The following CNTN4 variants were observed in gnomAD, a reference collection of about 807,000 sequenced individuals.
CNTN4 encodes the protein contactin 4, also known as contactin-4.
In CNTN4, 77 loss-of-function variants were observed where a neutral mutation model predicts 122.5. The observed-to-expected ratio is 0.63, with a 90% CI of 0.52 to 0.76. The LOEUF is 0.76. Among genes scored for constraint, CNTN4 ranks in the 30% least tolerant of loss-of-function variants. The pLI is 0.00. For missense variants in CNTN4, 1,256 were observed against 1,259.1 expected (o/e 1.00, Z 0.04); for synonymous variants, 512 against 447.0 (o/e 1.15, Z -1.83).
At chr3:2,499,009 C>T (rs368794493) in intron 3 of CNTN4, among the ~76,000 whole-genome samples, 2 of 152,060 alleles carry the variant, frequency 1.3e-5, no homozygotes, top group African/African-American at 4.8e-5. Flanking sequence ...AGGCTGATCT[C>T]GAACTCCTGA....
chr3:3,049,415 G>T (rs543855759), intron 23 of CNTN4, among the ~76,000 whole-genome samples: 1 of 152,286 alleles, frequency 6.6e-6, no homozygotes, highest in Admixed American at 6.5e-5. Flanking sequence ...ATGAAGATAG[G>T]TACAGTTATT....
At chr3:2,291,638 A>C (rs2042138993) in intron 2 of CNTN4, among the ~76,000 whole-genome samples, 1 of 147,076 alleles carries the variant, frequency 6.8e-6, no homozygotes, top group Non-Finnish European at 1.5e-5. Flanking sequence ...AGTCCTTATG[A>C]TAAAGTATTT....
chr3:2,734,201 G>C (rs2088910400), intron 4 of CNTN4, among the ~76,000 whole-genome samples: 1 of 151,908 alleles, frequency 6.6e-6, no homozygotes, highest in Non-Finnish European at 1.5e-5. Flanking sequence ...GCTGGGACTA[G>C]AGGCGCATGC....
intron 2 of CNTN4, among the ~76,000 whole-genome samples, chr3:2,154,022 T>A (rs2035606318): frequency 6.6e-6 from 1 of 152,202 alleles, no homozygotes; most frequent in South Asian, 2.1e-4. Flanking sequence ...TGAAGCAATA[T>A]ATATTGGTTA....
At chr3:2,788,335 G>A (rs1281111574) in intron 6 of CNTN4, among the ~76,000 whole-genome samples, 1 of 152,072 alleles carries the variant, frequency 6.6e-6, no homozygotes, top group South Asian at 2.1e-4. Context: ...TTCACTGTAT[G>A]ATATAATTTG....
intron 2 of CNTN4, among the ~76,000 whole-genome samples, chr3:2,333,728 C>G (rs2043828757): frequency 6.6e-6 from 1 of 152,280 alleles, no homozygotes; most frequent in South Asian, 2.1e-4. Context: ...CATCCCAATT[C>G]TGACTGAAAA....
At chr3:2,564,218 C>T (rs1267270540) in intron 3 of CNTN4, among the ~76,000 whole-genome samples, 3 of 152,108 alleles carry the variant, frequency 2.0e-5, no homozygotes, top group African/African-American at 7.2e-5. Context: ...TGGGGACTAA[C>T]AGCTAGTATT....
intron 2 of CNTN4, among the ~76,000 whole-genome samples, chr3:2,170,357 A>G (rs1435153342): frequency 6.6e-6 from 1 of 152,136 alleles, no homozygotes; most frequent in Non-Finnish European, 1.5e-5. Flanking sequence ...GAGGAATAAT[A>G]TTATATTCAC....
At chr3:2,481,329 T>C (rs2075999479) in intron 3 of CNTN4, among the ~76,000 whole-genome samples, 1 of 151,838 alleles carries the variant, frequency 6.6e-6, no homozygotes, top group Non-Finnish European at 1.5e-5. Context: ...TTAGTAGAGA[T>C]GTGGTTTCAC....
intron 5 of CNTN4, among the ~76,000 whole-genome samples, chr3:2,745,167 G>A (rs769632415): frequency 1.3e-5 from 2 of 152,196 alleles, no homozygotes; most frequent in African/African-American, 2.4e-5. Context: ...TTGCAAACTA[G>A]AAGGACTTTT....
At chr3:2,891,840 G>T (rs139034332) in intron 10 of CNTN4, among the ~76,000 whole-genome samples, 127 of 152,278 alleles carry the variant, frequency 8.3e-4, no homozygotes, top group African/African-American at 2.9e-3. Context: ...AGGGTGACTC[G>T]ATTTGATTAA....
chr3:3,034,393 G>C (rs927950620), intron 16 of CNTN4, among the ~76,000 whole-genome samples: 4 of 152,090 alleles, frequency 2.6e-5, no homozygotes, highest in Non-Finnish European at 4.4e-5. Flanking sequence ...TTACCTATTA[G>C]TTTTTCATAT....
chr3:2,415,841 C>A (rs761258258), intron 3 of CNTN4, among the ~76,000 whole-genome samples: 2 of 151,952 alleles, frequency 1.3e-5, no homozygotes, highest in Non-Finnish European at 2.9e-5. Context: ...TGGGGTGGCG[C>A]TGGCTTATTA....
intron 3 of CNTN4, among the ~76,000 whole-genome samples, chr3:2,562,100 A>G (rs2078980498): frequency 6.6e-6 from 1 of 152,220 alleles, no homozygotes; most frequent in African/African-American, 2.4e-5. Flanking sequence ...TAAATGCAAG[A>G]TGAAAATACC....
At chr3:2,496,657 A>G (rs1423036574) in intron 3 of CNTN4, among the ~76,000 whole-genome samples, 1 of 152,188 alleles carries the variant, frequency 6.6e-6, no homozygotes, top group East Asian at 1.9e-4. Context: ...AAAAAAGAAT[A>G]GAAGAAGAGC....
chr3:2,464,213 A>G (rs560739206), intron 3 of CNTN4, among the ~76,000 whole-genome samples: 1 of 152,308 alleles, frequency 6.6e-6, no homozygotes, highest in East Asian at 1.9e-4. Flanking sequence ...GATTATGCCA[A>G]ACATAACACA....
chr3:2,310,368 A>T (rs1386244542), intron 2 of CNTN4, among the ~76,000 whole-genome samples: 1 of 152,188 alleles, frequency 6.6e-6, no homozygotes, highest in Non-Finnish European at 1.5e-5. Flanking sequence ...GATCTGCATG[A>T]GAAATTTTTC....
intron 2 of CNTN4, among the ~76,000 whole-genome samples, chr3:2,252,550 A>G (rs1297091765): frequency 6.6e-6 from 1 of 152,084 alleles, no homozygotes; most frequent in African/African-American, 2.4e-5. Context: ...TTGGAAAGCA[A>G]AGGTAACTCT....
chr3:2,268,623 A>G (rs1227243737), intron 2 of CNTN4, among the ~76,000 whole-genome samples: 1 of 152,130 alleles, frequency 6.6e-6, no homozygotes, highest in Non-Finnish European at 1.5e-5. Flanking sequence ...TTAATGTGAT[A>G]TATCTCTATT....
Sources: allele counts gnomAD v4.1 joint callset (sites outside exome capture counted in the v4.1 genomes callset), GRCh38; gene constraint gnomAD v4.1.1; transcripts MANE v1.5; gene names NCBI Gene and HGNC (gene_info 2026-07-23, HGNC 2026-07-21).